CUL1: variants seen among roughly 807,000 people sequenced by gnomAD.
The protein encoded by CUL1 is cullin 1.
Under a neutral mutation model 118.0 loss-of-function variants are expected in CUL1, and 24 were observed. The observed-to-expected ratio is 0.20, with a 90% CI of 0.15 to 0.29. The LOEUF (loss-of-function observed/expected upper bound fraction) is 0.29, where lower values mean the gene tolerates loss of function less well. Among genes scored for constraint, CUL1 ranks in the 10% least tolerant of loss-of-function variants. The pLI is 1.00. For synonymous variants in CUL1, 332 were observed against 340.4 expected (o/e 0.98, Z 0.27); for missense variants, 361 against 933.8 (o/e 0.39, Z 7.99).
chr7:148,776,307 CTTTTTTT>C (rs746777462), intron 9 of CUL1, among the ~76,000 whole-genome samples: 262 of 40,662 alleles, frequency 6.4e-3, no homozygotes, highest in African/African-American at 0.026. Flanking sequence ...CATAACCAGG[CTTTTTTT>C]TTTTTTTTTT....
rs1799577319 is a variant in CUL1, at chr7:148,754,001, G to A, written c.166G>A (p.Val56Ile). 1 of 1,612,064 alleles carries A rather than the reference G, an allele frequency of 6.2e-7. No homozygotes were observed. The highest frequency in any genetic ancestry group is 1.7e-5 in the Admixed American group (1 of 59,524). Residue 56 changes from valine (V) to isoleucine (I), a missense_variant, in exon 3 of 22, where the codon GTT (valine) becomes ATT (isoleucine). Physicochemically the swap from Val to Ile is conservative, Grantham distance 29. Coordinates refer to ENST00000325222, the MANE Select transcript of CUL1 (RefSeq NM_003592.3). Reference protein sequence around the residue: ...YTHVYNYCTSVHQSNQARGAG... With the variant: ...YTHVYNYCTSIHQSNQARGAG... ...TCATGTTTATAACTACTGTACTAGT[G>A]TTCACCAGTCAAACCAAGCACGAGG...
intron 1 of CUL1, among the ~76,000 whole-genome samples, chr7:148,719,393 T>C (rs1798327436): frequency 6.6e-6 from 1 of 152,236 alleles, no homozygotes; most frequent in Non-Finnish European, 1.5e-5. Flanking sequence ...ATGCTGCTTG[T>C]CAATTTTAAT....
At chr7:148,718,732 T>TG (rs1226524982) in intron 1 of CUL1, among the ~76,000 whole-genome samples, 2 of 152,022 alleles carry the variant, frequency 1.3e-5, no homozygotes, top group Non-Finnish European at 2.9e-5. Context: ...TTTTTGTTTT[T>TG]GGGGGGTAGA....
intron 2 of CUL1, among the ~76,000 whole-genome samples, chr7:148,738,470 C>G (rs1287284065): frequency 6.6e-6 from 1 of 152,190 alleles, no homozygotes; most frequent in Non-Finnish European, 1.5e-5. Context: ...GAGGCTGAAC[C>G]AGGCTTGGCT....
intron 9 of CUL1, among the ~76,000 whole-genome samples, chr7:148,782,530 CCCTTTTAATGTTTTCT>C (rs1379065624): frequency 1.3e-5 from 2 of 152,174 alleles, no homozygotes; most frequent in Non-Finnish European, 2.9e-5. Context: ...GCATTAAGTT[CCCTTTTAATGTTTTCT>C]CTTATCAAAT....
rs1333683587 is a variant in CUL1, at chr7:148,783,958, C to G, written c.1192-13C>G. The G allele has an allele frequency of 6.2e-7, 1 of 1,613,794 alleles. No individual in the cohort carries two copies. The highest frequency in any genetic ancestry group is 8.5e-7 in the Non-Finnish European group (1 of 1,179,818). On this transcript the variant is annotated splice_polypyrimidine_tract_variant and intron_variant, in intron 10 of 21. Transcript: ENST00000325222. ...TGGGGCGTTTGTCTCTAACTATATT[C>G]CGTGTAACGCAGGCTTGTGGTCGCT...
intron 13 of CUL1, among the ~76,000 whole-genome samples, chr7:148,788,112 C>T (rs1030181128): frequency 6.6e-6 from 1 of 152,318 alleles, no homozygotes. Flanking sequence ...AGCTCTTGCA[C>T]ATCTCTTACA....
At position 148,787,239 on chromosome 7, in the gene CUL1, G is replaced by C; in HGVS notation, c.1479+119G>C. ...GCACTTTGGGAGGCCGAGGCGGGCAGATCACGAGGTCAGGAGATCGAGACC... is the reference window on the plus strand; with the variant it reads ...GCACTTTGGGAGGCCGAGGCGGGCACATCACGAGGTCAGGAGATCGAGACC... On this transcript the variant is annotated intron_variant, in intron 13 of 21. Transcript: ENST00000325222. The surrounding 1 kb of genome is among the most constrained non-coding windows in gnomAD (Gnocchi z 5.5). 2 of 946,418 alleles carry C rather than the reference G, an allele frequency of 2.1e-6. No homozygotes were observed. Among genetic ancestry groups the C allele is most frequent in the Non-Finnish European group, 3.1e-6 (2 of 639,682 alleles). 58.6% of individuals were successfully genotyped at this position (946,418 alleles called of 1,614,324 possible).
intron 2 of CUL1, among the ~76,000 whole-genome samples, chr7:148,731,818 A>G (rs1261215607): frequency 1.3e-5 from 2 of 152,186 alleles, no homozygotes; most frequent in African/African-American, 4.8e-5. Context: ...TTGACTGAGC[A>G]TGCTTGGAGG....
chr7:148,714,536 A>C (rs532627090), intron 1 of CUL1, among the ~76,000 whole-genome samples: 2 of 152,204 alleles, frequency 1.3e-5, no homozygotes, highest in Non-Finnish European at 2.9e-5. Flanking sequence ...AAAATGAATG[A>C]ACAGAATTAG....
chr7:148,710,055 C>G (rs1215560725), intron 1 of CUL1, among the ~76,000 whole-genome samples: 2 of 152,052 alleles, frequency 1.3e-5, no homozygotes, highest in African/African-American at 2.4e-5. Flanking sequence ...CCATTTCACT[C>G]CAGCCTGAGT....
At chr7:148,720,726 T>G (rs1440273696) in intron 1 of CUL1, among the ~76,000 whole-genome samples, 1 of 152,174 alleles carries the variant, frequency 6.6e-6, no homozygotes, top group Non-Finnish European at 1.5e-5. Context: ...CTGTGGCTTT[T>G]GGAAGATCCA....
At chr7:148,742,920 A>G (rs1799192115) in intron 2 of CUL1, among the ~76,000 whole-genome samples, 1 of 152,106 alleles carries the variant, frequency 6.6e-6, no homozygotes, top group African/African-American at 2.4e-5. Flanking sequence ...ACCTTTTCTG[A>G]TATAAGTATT....
intron 9 of CUL1, among the ~76,000 whole-genome samples, chr7:148,779,001 T>C (rs1310155826): frequency 6.6e-6 from 1 of 152,222 alleles, no homozygotes; most frequent in Admixed American, 6.5e-5. Context: ...GCACCACAAC[T>C]GATCCCCAGA....
intron 9 of CUL1, among the ~76,000 whole-genome samples, chr7:148,773,777 A>C (rs1037486412): frequency 3.9e-5 from 6 of 152,128 alleles, no homozygotes; most frequent in African/African-American, 1.4e-4. Flanking sequence ...ATACCTATTT[A>C]TCTCTCAAAA....
At chr7:148,716,344 G>C (rs1418205764) in intron 1 of CUL1, among the ~76,000 whole-genome samples, 1 of 152,142 alleles carries the variant, frequency 6.6e-6, no homozygotes, top group African/African-American at 2.4e-5. Context: ...GTCTAGCATG[G>C]AATAATGAAA....
In CUL1 at chr7:148,731,738, T is replaced by G. The variant is rs111540676; in HGVS notation, c.140+1476T>G. Among the ~76,000 whole-genome samples, 17 of 152,328 alleles carry G rather than the reference T, an allele frequency of 1.1e-4. 1 individual carries two copies. Among genetic ancestry groups the G allele is most frequent in the African/African-American group, 4.1e-4 (17 of 41,566 alleles). The stretch of plus-strand genomic sequence containing the variant: ...CAACTACTCATTTACTTTGTCTCTA[T>G]GAATTTGCCCATTCTGTACATTTTG... On this transcript the variant is annotated intron_variant, in intron 2 of 21. Transcript: ENST00000325222.
At chr7:148,779,866 C>T (rs1188433075) in intron 9 of CUL1, among the ~76,000 whole-genome samples, 1 of 152,146 alleles carries the variant, frequency 6.6e-6, no homozygotes, top group Non-Finnish European at 1.5e-5. Flanking sequence ...GACCCACCCT[C>T]AATCTGGTGG....
chr7:148,778,929 T>C (rs903349217), intron 9 of CUL1, among the ~76,000 whole-genome samples: 6 of 152,208 alleles, frequency 3.9e-5, no homozygotes, highest in East Asian at 1.9e-4. Context: ...TATTCCTCTT[T>C]AGCAATATTC....
Sources: allele counts gnomAD v4.1 joint callset (sites outside exome capture counted in the v4.1 genomes callset), GRCh38; gene constraint gnomAD v4.1.1; non-coding constraint Gnocchi (gnomAD v3.1); transcripts MANE v1.5; gene names NCBI Gene and HGNC (gene_info 2026-07-23, HGNC 2026-07-21).